QTMAN: variants seen among roughly 807,000 people sequenced by gnomAD.
QTMAN encodes the protein queuosine-tRNA mannosyltransferase.
chr2:144,175,951 C>CA, the QTMAN span, among the ~76,000 whole-genome samples: 2 of 152,120 alleles, frequency 1.3e-5, no homozygotes, highest in African/African-American at 4.8e-5. Flanking sequence ...AGGTGTGAGC[C>CA]ACCATGCTCG....
At chr2:143,939,175 G>A in the QTMAN span, 1 of 152,202 alleles carries the variant, frequency 6.6e-6, no homozygotes, top group African/African-American at 2.4e-5. Flanking sequence ...TAAGTAAGGT[G>A]AAAGAGCAGA....
At chr2:144,100,859 CTTTTTTTT>C in the QTMAN span, among the ~76,000 whole-genome samples, 4 of 77,912 alleles carry the variant, frequency 5.1e-5, no homozygotes, top group Admixed American at 1.5e-4. Flanking sequence ...GTCTTTCTTT[CTTTTTTTT>C]TTTTTTTTTT....
chr2:144,024,809 T>A, the QTMAN span, among the ~76,000 whole-genome samples: 2 of 152,206 alleles, frequency 1.3e-5, no homozygotes, highest in Non-Finnish European at 2.9e-5. Context: ...GATATAATTT[T>A]TTTTCATTTT....
At chr2:144,002,208 C>T in the QTMAN span, among the ~76,000 whole-genome samples, 5 of 151,878 alleles carry the variant, frequency 3.3e-5, no homozygotes, top group African/African-American at 1.2e-4. Context: ...AGTTCATCCC[C>T]TCGATAGATA....
the QTMAN span, among the ~76,000 whole-genome samples, chr2:144,109,967 G>A: frequency 2.0e-5 from 3 of 152,200 alleles, no homozygotes; most frequent in Non-Finnish European, 4.4e-5. Context: ...TTCAACCATT[G>A]TGGAAGACAG....
chr2:144,203,739 T>C, the QTMAN span, among the ~76,000 whole-genome samples: 1 of 152,280 alleles, frequency 6.6e-6, no homozygotes, highest in East Asian at 1.9e-4. Context: ...CTTCTAATTG[T>C]AAAATATAAT....
At chr2:144,044,970 G>A in the QTMAN span, among the ~76,000 whole-genome samples, 2 of 152,166 alleles carry the variant, frequency 1.3e-5, no homozygotes, top group Admixed American at 1.3e-4. Flanking sequence ...TTAGTCTGTG[G>A]AGATACAAGG....
chr2:144,000,507 T>C, the QTMAN span, among the ~76,000 whole-genome samples: 1 of 152,044 alleles, frequency 6.6e-6, no homozygotes, highest in African/African-American at 2.4e-5. Flanking sequence ...CTTTGACTAA[T>C]TGATGGATAA....
the QTMAN span, among the ~76,000 whole-genome samples, chr2:144,234,837 G>A: frequency 6.6e-6 from 1 of 152,254 alleles, no homozygotes. Context: ...AGGCAGTGGG[G>A]GAGTGAGAAC....
chr2:144,187,258 T>C, the QTMAN span, among the ~76,000 whole-genome samples: 1 of 152,238 alleles, frequency 6.6e-6, no homozygotes, highest in Non-Finnish European at 1.5e-5. Context: ...TATAAGGGCA[T>C]GGCCCTGGCT....
At chr2:144,241,216 C>T in the QTMAN span, among the ~76,000 whole-genome samples, 1 of 152,192 alleles carries the variant, frequency 6.6e-6, no homozygotes, top group Non-Finnish European at 1.5e-5. Context: ...ACCAGAAACT[C>T]TGGAGTGGGG....
chr2:144,239,446 A>G, the QTMAN span, among the ~76,000 whole-genome samples: 1 of 151,798 alleles, frequency 6.6e-6, no homozygotes, highest in Non-Finnish European at 1.5e-5. Flanking sequence ...AAGGTTTTCT[A>G]TGACATCTGT....
chr2:144,133,156 A>ATATAAATATATATTTAT, the QTMAN span, among the ~76,000 whole-genome samples: 1 of 49,138 alleles, frequency 2.0e-5, no homozygotes, highest in African/African-American at 8.5e-5. Context: ...TATATAATAT[A>ATATAAATATATATTTAT]ATATAATATA....
chr2:144,203,910 T>C, the QTMAN span, among the ~76,000 whole-genome samples: 2 of 152,100 alleles, frequency 1.3e-5, no homozygotes, highest in East Asian at 3.8e-4. Context: ...ATTCCCTATT[T>C]AATAAATGGT....
At chr2:144,007,825 C>T in the QTMAN span, among the ~76,000 whole-genome samples, 4 of 151,952 alleles carry the variant, frequency 2.6e-5, no homozygotes, top group African/African-American at 7.2e-5. Context: ...ATCACTCTTC[C>T]CTCACTCATC....
chr2:144,204,703 T>C, the QTMAN span, among the ~76,000 whole-genome samples: 136 of 152,316 alleles, frequency 8.9e-4, no homozygotes, highest in Non-Finnish European at 1.7e-3. Context: ...CGTATGTTTA[T>C]TGTGGCACTA....
the QTMAN span, among the ~76,000 whole-genome samples, chr2:144,164,621 C>T: frequency 6.6e-6 from 1 of 152,010 alleles, no homozygotes; most frequent in Non-Finnish European, 1.5e-5. Flanking sequence ...ACGCAATAAC[C>T]ATTTTCCAGA....
chr2:144,114,096 A>G, the QTMAN span, among the ~76,000 whole-genome samples: 1 of 152,196 alleles, frequency 6.6e-6, no homozygotes, highest in East Asian at 1.9e-4. Flanking sequence ...AGCTCAGCAG[A>G]GCCCCTTAAT....
the QTMAN span, among the ~76,000 whole-genome samples, chr2:144,196,130 C>A: frequency 3.3e-5 from 5 of 151,318 alleles, no homozygotes; most frequent in Admixed American, 6.6e-5. Context: ...AGCAATGATA[C>A]AAAATGAAAG....
Sources: gnomAD v4.1 joint callset for allele counts (sites outside exome capture counted in the v4.1 genomes callset) on GRCh38, gnomAD v4.1.1 for gene constraint, MANE v1.5 for transcripts, NCBI Gene and HGNC (gene_info 2026-07-23, HGNC 2026-07-21) for gene names.